Variants in CDC14B observed in about 807,000 individuals in gnomAD.
The protein encoded by CDC14B is cell division cycle 14B, also known as dual specificity protein phosphatase CDC14B.
CDC14B carries 22 observed loss-of-function variants against 64.2 expected under a neutral mutation model. That is an observed-to-expected ratio of 0.34 (90% confidence interval 0.24 to 0.49). The LOEUF (loss-of-function observed/expected upper bound fraction) is 0.49. Among genes scored for constraint, CDC14B ranks in the 20% least tolerant of loss-of-function variants. The pLI, the probability that CDC14B is intolerant of heterozygous loss-of-function variation, is 0.99. For synonymous variants in CDC14B, 191 were observed against 215.8 expected, an observed-to-expected ratio of 0.89 and a Z score of 1.01; for missense variants, 498 against 629.9, an observed-to-expected ratio of 0.79 and a Z score of 2.24.
intron 1 of CDC14B, among the ~76,000 whole-genome samples, chr9:96,574,358 C>T (rs1344438566): frequency 6.6e-6 from 1 of 151,894 alleles, no homozygotes; most frequent in Non-Finnish European, 1.5e-5. Context: ...ACTTGTTGTC[C>T]ATGTTTTTGG....
intron 1 of CDC14B, among the ~76,000 whole-genome samples, chr9:96,579,358 C>T (rs1264795262): frequency 1.3e-5 from 2 of 151,782 alleles, no homozygotes; most frequent in Non-Finnish European, 2.9e-5. Context: ...GAAGCCAAGG[C>T]GGGTAGATCA....
exon 14 of CDC14B, chr9:96,491,654 G>A (rs571318365): frequency 1.5e-4 from 23 of 152,264 alleles, no homozygotes; most frequent in African/African-American, 5.5e-4. Flanking sequence ...GCCTAACTGC[G>A]GCTTTGAAGA....
At chr9:96,617,697 G>C (rs1156445405) in intron 1 of CDC14B, among the ~76,000 whole-genome samples, 2 of 152,208 alleles carry the variant, frequency 1.3e-5, no homozygotes, top group Non-Finnish European at 2.9e-5. Flanking sequence ...ACTGGGAAGA[G>C]TAGTTGCCTC....
chr9:96,514,679 A>G (rs904284132), intron 12 of CDC14B: 1 of 985,366 alleles, frequency 1.0e-6, no homozygotes, highest in Non-Finnish European at 1.2e-6. Context: ...AAGAGGAGAC[A>G]AGAGAAGAAA....
intron 4 of CDC14B, among the ~76,000 whole-genome samples, chr9:96,554,854 A>G (rs1231895801): frequency 6.6e-6 from 1 of 152,214 alleles, no homozygotes; most frequent in Non-Finnish European, 1.5e-5. Context: ...ATTTGTTACT[A>G]AAGAAGAATC....
At chr9:96,616,411 C>T (rs547075488) in intron 1 of CDC14B, among the ~76,000 whole-genome samples, 13 of 152,110 alleles carry the variant, frequency 8.5e-5, no homozygotes. Flanking sequence ...AAAAACATTA[C>T]CAAGGGAGGA....
Position 96,515,783 on chromosome 9 carries a change from T to C in CDC14B, c.1344-5994A>G, listed in dbSNP as rs1564211631. On this transcript the variant is annotated intron_variant, in intron 12 of 13. Transcript: ENST00000375241. This position sits in a 1 kb window ranked among gnomAD's most constrained non-coding sequence, Gnocchi z 4.3. ...TACACAGTGCAGAGGTCAGCACAGC[T>C]AGGGGACATCTGGAAAGGGGTGAAG... 5.6e-6 allele frequency: 9 copies of C among 1,597,612 alleles called. No individual in the cohort carries two copies. The highest frequency in any genetic ancestry group is 7.7e-6 in the Non-Finnish European group (9 of 1,172,828).
exon 14 of CDC14B, chr9:96,491,787 G>A (rs2131171609): frequency 6.6e-6 from 1 of 152,416 alleles, no homozygotes; most frequent in East Asian, 1.9e-4. Context: ...CCATAGAGCT[G>A]TTGAGTCATG....
chr9:96,525,436 G>A (rs770434612), intron 9 of CDC14B, among the ~76,000 whole-genome samples: 6 of 151,990 alleles, frequency 3.9e-5, no homozygotes, highest in African/African-American at 4.8e-5. Flanking sequence ...CACTGCCACC[G>A]AGACACAGAG....
At chr9:96,504,474 C>T (rs1037595838) in intron 13 of CDC14B, among the ~76,000 whole-genome samples, 5 of 152,220 alleles carry the variant, frequency 3.3e-5, no homozygotes, top group Admixed American at 6.5e-5. Context: ...GCTGCTGCTG[C>T]GCTCTTCAAG....
intron 5 of CDC14B, among the ~76,000 whole-genome samples, chr9:96,549,800 G>C (rs528756982): frequency 6.6e-6 from 1 of 152,306 alleles, no homozygotes; most frequent in Admixed American, 6.5e-5. Flanking sequence ...TGATGCTCCT[G>C]GGACCAAAAG....
chr9:96,616,275 G>A (rs953005306), intron 1 of CDC14B, among the ~76,000 whole-genome samples: 6 of 151,902 alleles, frequency 3.9e-5, no homozygotes, highest in African/African-American at 9.7e-5. Flanking sequence ...GTGGTGAGCC[G>A]AGATAGCTCC....
At chr9:96,528,343 G>A (rs1837901488) in intron 9 of CDC14B, among the ~76,000 whole-genome samples, 1 of 152,030 alleles carries the variant, frequency 6.6e-6, no homozygotes, top group African/African-American at 2.4e-5. Context: ...CCAACATGGT[G>A]AAACCCTGTT....
chr9:96,570,320 T>A (rs186148793), intron 1 of CDC14B, among the ~76,000 whole-genome samples: 63 of 151,966 alleles, frequency 4.1e-4, no homozygotes, highest in African/African-American at 1.4e-3. Flanking sequence ...TAATACCGTA[T>A]GTGCTTGTTA....
intron 1 of CDC14B, among the ~76,000 whole-genome samples, chr9:96,575,941 T>A (rs986318067): frequency 2.6e-5 from 4 of 152,222 alleles, no homozygotes; most frequent in Non-Finnish European, 5.9e-5. Flanking sequence ...GCTATGCAGT[T>A]GCTAGGAAAA....
rs916513221 is a variant in CDC14B at position 96,566,957 on chromosome 9, G to T, written c.161-1474C>A. 3.3e-5 allele frequency: 49 copies of T among 1,482,220 alleles called. No homozygotes were observed. The South Asian group carries it at 4.3e-4, about 13-fold the overall frequency. The allele number at this position is 1,482,220 out of a possible 1,614,324, so 91.8% of individuals were successfully genotyped here. A position where few individuals can be genotyped will look rare whatever the true frequency, so the allele number is the denominator to read the frequency against. On this transcript the variant is annotated intron_variant, in intron 1 of 13. Coordinates refer to ENST00000375241, the MANE Select transcript of CDC14B (RefSeq NM_033331.4). Reference sequence around the variant, plus strand: ...GCAGCGGGCGCAGCGACACCCCTCGGCGGCCCAACGGCCTGACACGACAGC... The same window carrying T: ...GCAGCGGGCGCAGCGACACCCCTCGTCGGCCCAACGGCCTGACACGACAGC...
intron 13 of CDC14B, among the ~76,000 whole-genome samples, chr9:96,504,915 C>T (rs1833916545): frequency 2.6e-5 from 4 of 152,190 alleles, no homozygotes; most frequent in Admixed American, 2.6e-4. Context: ...TGGCTCACAC[C>T]TGTAATCCCA....
rs1845489545 is a variant in CDC14B, at chr9:96,587,071, G to A, written c.161-21588C>T. Among the ~76,000 whole-genome samples the A allele has an allele frequency of 5.3e-5, 8 of 152,200 alleles. 1 individual carries two copies. The Middle Eastern group carries it at 0.02, about 388-fold the overall frequency. On this transcript the variant is annotated intron_variant, in intron 1 of 13. Coordinates refer to ENST00000375241, the MANE Select transcript of CDC14B (RefSeq NM_033331.4). ...GCCTGTAATTCCAGCTACTCAGGAG[G>A]CTGAGGCAGGACAATCGCTTGAACC... is the stretch of plus-strand genomic sequence containing the variant.
exon 14 of CDC14B, chr9:96,491,776 C>G (rs1261476019): frequency 6.6e-6 from 1 of 152,246 alleles, no homozygotes; most frequent in Non-Finnish European, 1.5e-5. Context: ...CAGTTCCTAT[C>G]CCATAGAGCT....
Sources: allele counts gnomAD v4.1 joint callset (sites outside exome capture counted in the v4.1 genomes callset), GRCh38; gene constraint gnomAD v4.1.1; non-coding constraint Gnocchi (gnomAD v3.1); transcripts MANE v1.5; gene names NCBI Gene and HGNC (gene_info 2026-07-23, HGNC 2026-07-21).